Variants in NTRK3 observed in about 807,000 individuals in gnomAD.
NTRK3 encodes the protein neurotrophic receptor tyrosine kinase 3, also known as NT-3 growth factor receptor.
NTRK3 carries 24 observed loss-of-function variants against 91.7 expected under a neutral mutation model. The observed-to-expected ratio is 0.26, with a 90% CI of 0.19 to 0.37. NTRK3 has a LOEUF of 0.37. NTRK3 is among the 10% of genes least tolerant of loss of function. The probability of loss-of-function intolerance (pLI) is 1.00; values close to 1 mark genes in which losing one functional copy is unlikely to be tolerated. For missense variants in NTRK3, 880 were observed against 1,068.9 expected (o/e 0.82, Z 2.46); for synonymous variants, 483 against 404.0 (o/e 1.20, Z -2.34).
At chr15:88,204,284 T>C (rs980235880) in intron 3 of NTRK3, among the ~76,000 whole-genome samples, 5 of 152,168 alleles carry the variant, frequency 3.3e-5, no homozygotes, top group Non-Finnish European at 7.3e-5. Context: ...GTCTTGGGAT[T>C]TCTCTCCTTC....
At chr15:87,868,152 G>C (rs2064738044) in exon 19 of NTRK3, 4 of 231,710 alleles carry the variant, frequency 1.7e-5, no homozygotes, top group Non-Finnish European at 3.4e-5. Flanking sequence ...TAGGATTGTG[G>C]AGGCTTTTGT....
At chr15:87,871,038 G>A (rs2064816340) in exon 19 of NTRK3, 1 of 229,830 alleles carries the variant, frequency 4.4e-6, no homozygotes, top group Non-Finnish European at 8.6e-6. Flanking sequence ...TGTCAAACTG[G>A]GTCTTGTTTT....
At chr15:87,875,390 G>A (rs149142503) in exon 19 of NTRK3, 22 of 231,636 alleles carry the variant, frequency 9.5e-5, no homozygotes, top group African/African-American at 3.1e-4. Context: ...TGTGGTATGT[G>A]GCAGCAGCCA....
At position 88,197,868 on chromosome 15, in the gene NTRK3, C is replaced by T. The variant is rs185158740; in HGVS notation, c.249-13569G>A. 1.7e-4 allele frequency among the ~76,000 whole-genome samples: 26 copies of T among 152,178 alleles called. No individual in the cohort carries two copies. In the East Asian group the frequency reaches 3.9e-3, roughly 23 times the overall value. ...TTCTTCCCTGTACTATTTTTGGAAGCGGTTTGTTATAATGAAAAAAAATAA... is the reference window on the plus strand; with the variant it reads ...TTCTTCCCTGTACTATTTTTGGAAGTGGTTTGTTATAATGAAAAAAAATAA... On this transcript the variant is annotated intron_variant, in intron 3 of 18. Transcript: ENST00000394480.
intron 14 of NTRK3, among the ~76,000 whole-genome samples, chr15:87,971,979 G>A (rs1367068547): frequency 6.6e-6 from 1 of 152,222 alleles, no homozygotes; most frequent in Non-Finnish European, 1.5e-5. Context: ...AAGGTAGTGT[G>A]AGCTTTGGAG....
exon 17 of NTRK3, chr15:87,929,367 G>T: frequency 6.2e-7 from 1 of 1,614,154 alleles, no homozygotes; most frequent in South Asian, 1.1e-5. Context: ...ATTTGGGAGA[G>T]CCCCAGCTCA....
At chr15:88,236,858 G>T (rs759118109) in intron 3 of NTRK3, among the ~76,000 whole-genome samples, 102 of 152,034 alleles carry the variant, frequency 6.7e-4, no homozygotes, top group Non-Finnish European at 1.2e-3. Context: ...GCTCCCCCTG[G>T]GGAGGCAATG....
chr15:88,240,381 G>T lies in NTRK3; in HGVS notation c.248+15525C>A, dbSNP rs961998895. 3.3e-5 allele frequency among the ~76,000 whole-genome samples: 5 copies of T among 152,138 alleles called. No individual in the cohort carries two copies. Among genetic ancestry groups the T allele is most frequent in the African/African-American group, 4.8e-5 (2 of 41,416 alleles). On this transcript the variant is annotated intron_variant, in intron 3 of 18. Coordinates refer to ENST00000394480, the Ensembl canonical transcript of NTRK3. This position sits in a 1 kb window ranked among gnomAD's most constrained non-coding sequence, Gnocchi z 4.9. ...CAGGCCAGCCCCATCCTGCCCTGAC[G>T]CAGGGGACATTCTGTGAGGATGTGG...
In NTRK3 at chr15:88,234,711, A is replaced by C. The variant is rs2051529656; in HGVS notation, c.248+21195T>G. On this transcript the variant is annotated intron_variant, in intron 3 of 18. Transcript: ENST00000394480. The surrounding 1 kb of genome is among the most constrained non-coding windows in gnomAD (Gnocchi z 6.1). ...CTCCAACACATTTATTACACCCATC[A>C]CTTCAGCTGTAAGTCGAATCATCTC... Among the ~76,000 whole-genome samples the C allele has an allele frequency of 6.6e-6, 1 of 152,056 alleles. No individual in the cohort carries two copies. Among genetic ancestry groups the C allele is most frequent in the African/African-American group, 2.4e-5 (1 of 41,394 alleles).
chr15:87,910,443 G>A (rs143281321), intron 17 of NTRK3, among the ~76,000 whole-genome samples: 1 of 152,208 alleles, frequency 6.6e-6, no homozygotes, highest in Non-Finnish European at 1.5e-5. Context: ...AACGGTTGCT[G>A]AGGTGCTAGC....
At chr15:88,198,600 C>A (rs1214906708) in intron 3 of NTRK3, among the ~76,000 whole-genome samples, 3 of 152,240 alleles carry the variant, frequency 2.0e-5, no homozygotes, top group Non-Finnish European at 4.4e-5. Context: ...CATTATCTGC[C>A]TGGCTTCCCT....
At chr15:87,900,395 C>A (rs1287248201) in intron 17 of NTRK3, among the ~76,000 whole-genome samples, 1 of 152,162 alleles carries the variant, frequency 6.6e-6, no homozygotes, top group African/African-American at 2.4e-5. Flanking sequence ...CCAAGATAAA[C>A]CAGGAACCTT....
At chr15:88,204,413 C>T (rs767849309) in intron 3 of NTRK3, among the ~76,000 whole-genome samples, 5 of 152,088 alleles carry the variant, frequency 3.3e-5, no homozygotes, top group Admixed American at 6.5e-5. Flanking sequence ...TCACAATTAA[C>T]GATAACACAT....
At chr15:88,124,239 G>T (rs1351468656) in intron 13 of NTRK3, among the ~76,000 whole-genome samples, 1 of 152,124 alleles carries the variant, frequency 6.6e-6, no homozygotes, top group Non-Finnish European at 1.5e-5. Context: ...TACAATAGAG[G>T]ATATTTCACT....
At chr15:88,254,328 G>T (rs780727941) in intron 3 of NTRK3, among the ~76,000 whole-genome samples, 9 of 152,108 alleles carry the variant, frequency 5.9e-5, no homozygotes, top group African/African-American at 1.9e-4. Context: ...GGCCTGCAGT[G>T]GGGGAGAGGC....
chr15:88,187,143 T>C (rs2047008210), intron 3 of NTRK3, among the ~76,000 whole-genome samples: 1 of 152,160 alleles, frequency 6.6e-6, no homozygotes, highest in African/African-American at 2.4e-5. Context: ...AAGCTAAAAA[T>C]GGTATCAGGC....
chr15:87,895,072 C>A lies in NTRK3; in HGVS notation c.2134-14644G>T, dbSNP rs2066044998. 2.0e-5 allele frequency among the ~76,000 whole-genome samples: 3 copies of A among 152,070 alleles called. No individual in the cohort carries two copies. The South Asian group carries it at 6.2e-4, about 32-fold the overall frequency. On this transcript the variant is annotated intron_variant, in intron 17 of 18. Transcript: ENST00000394480. ...CTCCTCAAATCCAAGTTTCTCAGAA[C>A]CCAGGGCTTGAAAGGAAAGATTCAA...
At chr15:88,155,812 CT>C (rs1222998031) in intron 5 of NTRK3, among the ~76,000 whole-genome samples, 1 of 139,594 alleles carries the variant, frequency 7.2e-6, no homozygotes, top group Non-Finnish European at 1.5e-5. Flanking sequence ...TATCATCTAT[CT>C]ATCTATCTAT....
chr15:88,212,992 C>T (rs967621193), intron 3 of NTRK3, among the ~76,000 whole-genome samples: 13 of 152,336 alleles, frequency 8.5e-5, no homozygotes, highest in Non-Finnish European at 1.6e-4. Context: ...GGGGTCCCAT[C>T]GCCTGGGCAC....
Sources: gnomAD v4.1 joint callset for allele counts (sites outside exome capture counted in the v4.1 genomes callset) on GRCh38, gnomAD v4.1.1 for gene constraint, Gnocchi (gnomAD v3.1) non-coding constraint, MANE v1.5 for transcripts, NCBI Gene and HGNC (gene_info 2026-07-23, HGNC 2026-07-21) for gene names.